Variants in RASGRF1 observed in about 807,000 individuals in gnomAD.
RASGRF1 encodes the protein Ras protein specific guanine nucleotide releasing factor 1, also known as ras-specific guanine nucleotide-releasing factor 1.
A neutral mutation model predicts 138.7 loss-of-function variants in RASGRF1; 40 were observed. That is an observed-to-expected ratio of 0.29 (90% CI 0.22 to 0.38). RASGRF1 has a LOEUF of 0.38. Ranked by LOEUF, RASGRF1 falls within the 10% of genes least tolerant of loss-of-function variation. The pLI is 1.00. For synonymous variants in RASGRF1, 614 were observed against 663.2 expected (o/e 0.93, Z 1.14); for missense variants, 1,108 against 1,650.4 (o/e 0.67, Z 5.69).
chr15:78,976,581 C>A (rs1293868131), intron 24 of RASGRF1, among the ~76,000 whole-genome samples: 1 of 151,956 alleles, frequency 6.6e-6, no homozygotes, highest in East Asian at 1.9e-4. Flanking sequence ...CACACACACA[C>A]ACACCCATCC....
At chr15:79,035,367 TG>T in intron 5 of RASGRF1, among the ~76,000 whole-genome samples, 157 bp from the exon 6 acceptor site, 1 of 152,362 alleles carries the variant, frequency 6.6e-6, no homozygotes, top group Non-Finnish European at 1.5e-5. Flanking sequence ...TCATATAATC[TG>T]GGGGTGCCTG....
chr15:78,986,884 T>C (rs1026839878), intron 22 of RASGRF1, among the ~76,000 whole-genome samples: 1 of 152,218 alleles, frequency 6.6e-6, no homozygotes, highest in African/African-American at 2.4e-5. Context: ...GTAGTACATG[T>C]ATTATACCTC....
In RASGRF1 at chr15:78,973,221, G is replaced by T; in HGVS notation, c.3612+82C>A. The T allele has an allele frequency of 2.6e-6, 3 of 1,175,542 alleles. No homozygotes were observed. The highest frequency in any genetic ancestry group is 2.4e-5 in the East Asian group (1 of 40,888). The allele number at this position is 1,175,542 out of a possible 1,614,324, so 72.8% of individuals were successfully genotyped here. ...CCCTATGCAGCAGGTTGGGCCTTGG[G>T]GGGCAGAGTGTGGGTGGGCCCCAGG... On this transcript the variant is annotated intron_variant, in intron 25 of 26. Coordinates refer to ENST00000558480, the MANE Select transcript of RASGRF1 (RefSeq NM_001145648.3). This position sits in a 1 kb window ranked among gnomAD's most constrained non-coding sequence, Gnocchi z 4.9.
chr15:79,048,625 C>A (rs2057386661), intron 4 of RASGRF1, among the ~76,000 whole-genome samples: 1 of 152,170 alleles, frequency 6.6e-6, no homozygotes. Context: ...AACCAGAAAT[C>A]CAGATTTTTG....
At chr15:79,089,903 T>C (rs1193080203) in intron 1 of RASGRF1, among the ~76,000 whole-genome samples, 3 of 152,188 alleles carry the variant, frequency 2.0e-5, no homozygotes, top group African/African-American at 7.2e-5. Flanking sequence ...TCCAGACTCA[T>C]CGTCTCTGGT....
At chr15:79,089,256 G>A (rs942509673) in intron 1 of RASGRF1, among the ~76,000 whole-genome samples, 3 of 152,230 alleles carry the variant, frequency 2.0e-5, no homozygotes, top group Non-Finnish European at 4.4e-5. Context: ...TGCCTGCAGT[G>A]GCATTTTAGG....
At chr15:78,999,974 A>G in intron 16 of RASGRF1, 61 bp from the exon 17 acceptor site, 4 of 1,558,562 alleles carry the variant, frequency 2.6e-6, no homozygotes, top group African/African-American at 2.7e-5. Flanking sequence ...AGGCTGTTAG[A>G]AAACCAGGGG....
intron 26 of RASGRF1, 44 bp downstream of exon 26, chr15:78,971,822 C>T: frequency 4.0e-6 from 6 of 1,508,386 alleles, no homozygotes; most frequent in Non-Finnish European, 5.5e-6. Flanking sequence ...CTAGACAGAG[C>T]CACTGTGAAA....
intron 21 of RASGRF1, among the ~76,000 whole-genome samples, chr15:78,990,994 A>T (rs2056257213): frequency 6.6e-6 from 1 of 152,228 alleles, no homozygotes; most frequent in African/African-American, 2.4e-5. Context: ...CCCCACAATG[A>T]TTCAAATCCG....
At chr15:78,975,179 C>G (rs1335538093) in intron 24 of RASGRF1, among the ~76,000 whole-genome samples, 1 of 152,092 alleles carries the variant, frequency 6.6e-6, no homozygotes, top group Non-Finnish European at 1.5e-5. Flanking sequence ...TCACTTGAGT[C>G]CAACGGTTCA....
intron 13 of RASGRF1, among the ~76,000 whole-genome samples, chr15:79,009,476 T>C (rs2056749757): frequency 6.6e-6 from 1 of 151,502 alleles, no homozygotes; most frequent in South Asian, 2.1e-4. Context: ...AGAGGGAGAG[T>C]ACAGCTACTC....
chr15:79,064,119 G>C (rs1438434940), intron 2 of RASGRF1, among the ~76,000 whole-genome samples: 1 of 152,196 alleles, frequency 6.6e-6, no homozygotes, highest in Non-Finnish European at 1.5e-5. Context: ...TTAGGCTTCA[G>C]GAGCCACAAA....
intron 1 of RASGRF1, among the ~76,000 whole-genome samples, chr15:79,066,517 C>T (rs1248761855): frequency 1.3e-5 from 2 of 152,238 alleles, no homozygotes; most frequent in African/African-American, 4.8e-5. Context: ...GGGAATGTCC[C>T]AGAGCTATAG....
At chr15:79,084,745 T>G (rs1000028525) in intron 1 of RASGRF1, among the ~76,000 whole-genome samples, 7 of 152,218 alleles carry the variant, frequency 4.6e-5, no homozygotes, top group Non-Finnish European at 8.8e-5. Flanking sequence ...ATGAGATCAC[T>G]GCCACTCATC....
At chr15:79,029,747 C>T (rs2057111382) in intron 8 of RASGRF1, among the ~76,000 whole-genome samples, 2 of 152,086 alleles carry the variant, frequency 1.3e-5, no homozygotes, top group African/African-American at 4.8e-5. Context: ...GGGATGCTGT[C>T]ATGGTGATAG....
intron 1 of RASGRF1, among the ~76,000 whole-genome samples, chr15:79,065,653 T>C (rs2057670016): frequency 6.6e-6 from 1 of 151,518 alleles, no homozygotes; most frequent in Non-Finnish European, 1.5e-5. Context: ...GGCCTGGGCC[T>C]GGTGAAACTG....
chr15:79,017,899 T>A lies in RASGRF1; in HGVS notation c.1614A>T (p.Gly538=). ...EPESTEEEAK[G]SGQDIDHLDF... is the part of the protein sequence containing the mutation. ...CCAAGTGATCTATGTCTTGGCCGGA[T>A]CCTTTGGCTTCCAGTTGTAAAACAT... is the stretch of plus-strand genomic sequence containing the variant. The change falls in exon 12 of 27, where the codon GGA becomes GGT. Residue 538 remains glycine (G), a synonymous_variant. Transcript: ENST00000558480. 1.9e-6 allele frequency: 3 copies of A among 1,611,914 alleles called. No individual in the cohort carries two copies. Among genetic ancestry groups the A allele is most frequent in the Non-Finnish European group, 2.5e-6 (3 of 1,179,440 alleles).
intron 2 of RASGRF1, among the ~76,000 whole-genome samples, chr15:79,059,903 T>C (rs766991374): frequency 6.6e-6 from 1 of 152,100 alleles, no homozygotes; most frequent in Non-Finnish European, 1.5e-5. Flanking sequence ...ATTGGGAATA[T>C]GTAAAAATAC....
intron 23 of RASGRF1, among the ~76,000 whole-genome samples, chr15:78,982,176 T>C (rs1329747050): frequency 6.6e-6 from 1 of 152,170 alleles, no homozygotes; most frequent in East Asian, 1.9e-4. Context: ...CAATACTAGC[T>C]CAGATACTCT....
Sources: allele counts gnomAD v4.1 joint callset (sites outside exome capture counted in the v4.1 genomes callset), GRCh38; gene constraint gnomAD v4.1.1; non-coding constraint Gnocchi (gnomAD v3.1); transcripts MANE v1.5; gene names NCBI Gene and HGNC (gene_info 2026-07-23, HGNC 2026-07-21).